Variants in MTMR10 observed in about 807,000 individuals in gnomAD.
MTMR10 encodes the protein myotubularin-related protein 10.
A neutral mutation model predicts 88.1 loss-of-function variants in MTMR10; 56 were observed. The ratio of observed to expected loss-of-function variants is 0.64; its 90% confidence interval spans 0.51 to 0.79. The LOEUF (loss-of-function observed/expected upper bound fraction) is 0.79, where lower values mean the gene tolerates loss of function less well. MTMR10 is among the 30% of genes least tolerant of loss of function. The probability of loss-of-function intolerance (pLI) is 0.00; values close to 1 mark genes in which losing one functional copy is unlikely to be tolerated. For synonymous variants in MTMR10, 380 were observed against 340.9 expected (o/e 1.11, Z -1.26); for missense variants, 883 against 924.7 (o/e 0.95, Z 0.58).
chr15:30,970,657 CAGAAA>C (rs2063526926), intron 5 of MTMR10, among the ~76,000 whole-genome samples: 2 of 152,128 alleles, frequency 1.3e-5, no homozygotes, highest in African/African-American at 4.8e-5. Context: ...TTTCTGTTTA[CAGAAA>C]AGAAATTCAC....
At chr15:30,936,981 A>G (rs1054487015), downstream of MTMR10, 9 of 695,580 alleles carry the variant, frequency 1.3e-5, no homozygotes, top group Middle Eastern at 4.0e-4. Context: ...GACCATCCGT[A>G]TATTTGTGTT....
At chr15:30,944,818 C>T (rs2063145870) in intron 14 of MTMR10, among the ~76,000 whole-genome samples, 1 of 151,808 alleles carries the variant, frequency 6.6e-6, no homozygotes, top group South Asian at 2.1e-4. Flanking sequence ...CAAGACCAGA[C>T]TGGGCAACAT....
At chr15:30,964,254 C>T (rs1566957752) in intron 6 of MTMR10, among the ~76,000 whole-genome samples, 2 of 152,156 alleles carry the variant, frequency 1.3e-5, no homozygotes, top group Non-Finnish European at 2.9e-5. Context: ...TTATGTAAAA[C>T]AGTTTGGTGA....
downstream of MTMR10, among the ~76,000 whole-genome samples, chr15:30,936,494 T>TC (rs2062856390): frequency 6.6e-6 from 1 of 152,226 alleles, no homozygotes; most frequent in Non-Finnish European, 1.5e-5. Flanking sequence ...AAACAATTTT[T>TC]CATTTGCTAT....
intron 1 of MTMR10, chr15:30,991,131 C>G (rs3743233): frequency 0.54 from 273,266 of 505,584 alleles, 78,180 homozygotes; most frequent in African/African-American, 0.77. Context: ...GGCGGTCATA[C>G]GAGGGAGGGT....
chr15:30,933,365 A>T, the MTMR10 span, among the ~76,000 whole-genome samples: 1 of 151,432 alleles, frequency 6.6e-6, no homozygotes, highest in Admixed American at 6.6e-5. Context: ...TTCCCTTTTG[A>T]CTCTTCTTTG....
In MTMR10 at chr15:30,941,724, T is replaced by C. The variant is rs563365667; in HGVS notation, c.2080A>G (p.Arg694Gly). Residue 694 changes from arginine to glycine, a missense_variant, in exon 16 of 16, where the codon AGG (arginine) becomes GGG (glycine). Arg to Gly is a moderately radical substitution (Grantham distance 125). Coordinates refer to ENST00000435680, the MANE Select transcript of MTMR10 (RefSeq NM_017762.3). ...LLADEVDVLS[R>G]MLRQQRSGPL... ...CCACTGCGCTGTTGCCGCAGCATCC[T>C]GCTCAGTACGTCGACTTCATCAGCC... is the stretch of plus-strand genomic sequence containing the variant. 6.2e-7 allele frequency: 1 copy of C among 1,613,980 alleles called. No individual in the cohort carries two copies. The highest frequency in any genetic ancestry group is 1.1e-5 in the South Asian group (1 of 91,080).
intron 3 of MTMR10, among the ~76,000 whole-genome samples, chr15:30,975,310 A>C (rs1371970638): frequency 6.6e-6 from 1 of 152,214 alleles, no homozygotes; most frequent in East Asian, 1.9e-4. Flanking sequence ...AGGTCATCAG[A>C]TTTTAAGTGG....
intron 5 of MTMR10, among the ~76,000 whole-genome samples, chr15:30,972,288 T>C (rs2063546546): frequency 2.6e-5 from 4 of 152,180 alleles, no homozygotes; most frequent in Admixed American, 2.0e-4. Flanking sequence ...CCGTCAAGCT[T>C]TGGTAGCCAT....
rs117168136 is a variant in MTMR10 at position 30,972,991 on chromosome 15, C to T, written c.474+1323G>A. ...CTGTGATGTCCCTAATCTTGAGATG[C>T]TACACATCTTAAGGTTTTCATAAGC... On this transcript the variant is annotated intron_variant, in intron 5 of 15. Coordinates refer to ENST00000435680, the MANE Select transcript of MTMR10 (RefSeq NM_017762.3). Among the ~76,000 whole-genome samples the T allele has an allele frequency of 4.6e-5, 7 of 152,230 alleles. No individual in the cohort carries two copies. The East Asian group carries it at 1.3e-3, about 29-fold the overall frequency.
rs150355309 is a variant in MTMR10, at chr15:30,981,986, G to T, written c.122-5031C>A. On this transcript the variant is annotated intron_variant, in intron 2 of 15. Coordinates refer to ENST00000435680, the MANE Select transcript of MTMR10 (RefSeq NM_017762.3). ...CTCAACAGGCTGAGGCAGGAGAATC[G>T]CTCAAACTCGGGAGCTGGAGGTTGC... 8.6e-4 allele frequency among the ~76,000 whole-genome samples: 130 copies of T among 151,630 alleles called. 1 individual carries two copies. Among genetic ancestry groups the T allele is most frequent in the African/African-American group, 3.0e-3 (123 of 41,288 alleles).
intron 14 of MTMR10, chr15:30,944,030 A>G: frequency 1.0e-6 from 1 of 981,470 alleles, no homozygotes; most frequent in Non-Finnish European, 1.2e-6. Context: ...CCAAAAAAAA[A>G]CCCCCAAGAA....
chr15:30,944,871 G>GC (rs1450028993), intron 14 of MTMR10, among the ~76,000 whole-genome samples: 1 of 151,994 alleles, frequency 6.6e-6, no homozygotes, highest in Non-Finnish European at 1.5e-5. Flanking sequence ...AATTAGCTAG[G>GC]CGTGGTGGCA....
At chr15:30,989,141 C>A (rs911206114) in intron 2 of MTMR10, among the ~76,000 whole-genome samples, 7 of 151,984 alleles carry the variant, frequency 4.6e-5, no homozygotes, top group Non-Finnish European at 8.8e-5. Context: ...TCAGAGTAAA[C>A]GAAGTCAAAG....
At chr15:30,929,422 A>T in the MTMR10 span, 104 of 1,570,392 alleles carry the variant, frequency 6.6e-5, no homozygotes, top group Middle Eastern at 1.7e-4. Flanking sequence ...GCATGGCAGG[A>T]TTTGCTCAGA....
At chr15:30,968,069 C>A in intron 5 of MTMR10, 59 bp from the exon 6 acceptor site, 1 of 1,260,952 alleles carries the variant, frequency 7.9e-7, no homozygotes. Flanking sequence ...ATGAAATGTA[C>A]AATAAGGCCT....
At position 30,942,002 on chromosome 15, in the gene MTMR10, A is replaced by G; in HGVS notation, c.1802T>C (p.Leu601Ser). ...LKNGIISDQE[L>S]LPRRNSLILK... Reference sequence around the variant, plus strand: ...TATCAATGAATTTCTCCTTGGAAGTAATTCTTGGTCACTGATGATTCCATT... The same window carrying G: ...TATCAATGAATTTCTCCTTGGAAGTGATTCTTGGTCACTGATGATTCCATT... The change falls in exon 16 of 16, where the codon TTA becomes TCA. Residue 601 changes from leucine to serine, a missense_variant. This residue lies in a region of MTMR10 where 343 missense variants were observed against 323.2 expected (regional missense o/e 1.06). Transcript: ENST00000435680. 6.2e-7 allele frequency: 1 copy of G among 1,613,748 alleles called. No individual in the cohort carries two copies. The highest frequency in any genetic ancestry group is 8.5e-7 in the Non-Finnish European group (1 of 1,179,878).
downstream of MTMR10, among the ~76,000 whole-genome samples, chr15:30,934,891 A>G (rs918487319): frequency 3.3e-5 from 5 of 152,208 alleles, no homozygotes. Flanking sequence ...TCTACGTGTT[A>G]TATGTTCTAT....
chr15:30,934,905 A>G (rs993362056), downstream of MTMR10, among the ~76,000 whole-genome samples: 3 of 152,170 alleles, frequency 2.0e-5, no homozygotes, highest in African/African-American at 4.8e-5. Context: ...GTTCTATAAC[A>G]TATTATTTTT....
Sources: allele counts gnomAD v4.1 joint callset (sites outside exome capture counted in the v4.1 genomes callset), GRCh38; gene constraint gnomAD v4.1.1; regional missense constraint gnomAD v4.1.1; transcripts MANE v1.5; gene names NCBI Gene and HGNC (gene_info 2026-07-23, HGNC 2026-07-21).